GABRG3: variants seen among roughly 807,000 people sequenced by gnomAD.
GABRG3 encodes gamma-aminobutyric acid type A receptor subunit gamma3.
In GABRG3, 25 loss-of-function variants were observed where a neutral mutation model predicts 48.8. The ratio of observed to expected loss-of-function variants is 0.51; its 90% confidence interval spans 0.37 to 0.72. GABRG3 has a LOEUF of 0.72. Ranked by LOEUF, GABRG3 falls within the 30% of genes least tolerant of loss-of-function variation. The pLI, the probability that GABRG3 is intolerant of heterozygous loss-of-function variation, is 0.00. For missense variants in GABRG3, 394 were observed against 577.9 expected (o/e 0.68, Z 3.26); for synonymous variants, 227 against 217.6 (o/e 1.04, Z -0.38).
intron 3 of GABRG3, among the ~76,000 whole-genome samples, chr15:27,228,738 A>C (rs1166614768): frequency 2.6e-5 from 4 of 151,972 alleles, no homozygotes; most frequent in Admixed American, 2.6e-4. Flanking sequence ...TCATTTTTCA[A>C]CTTTTTACTG....
chr15:27,517,821 T>A, intron 6 of GABRG3, among the ~76,000 whole-genome samples: 1 of 152,210 alleles, frequency 6.6e-6, no homozygotes, highest in Non-Finnish European at 1.5e-5. Context: ...CATTAAAATA[T>A]ATACTTGTGC....
chr15:27,366,855 G>T (rs1185555324), intron 5 of GABRG3, among the ~76,000 whole-genome samples: 2 of 152,124 alleles, frequency 1.3e-5, no homozygotes, highest in African/African-American at 4.8e-5. Flanking sequence ...CCCTGACCTG[G>T]CCTCACTGTT....
At chr15:27,065,197 G>GATGA (rs750116352) in intron 3 of GABRG3, among the ~76,000 whole-genome samples, 68 of 152,270 alleles carry the variant, frequency 4.5e-4, no homozygotes, top group East Asian at 7.7e-4. Flanking sequence ...ATAACGAGTG[G>GATGA]ATGAATGAAT....
chr15:27,367,481 T>C (rs1045436552), intron 5 of GABRG3, among the ~76,000 whole-genome samples: 2 of 152,214 alleles, frequency 1.3e-5, no homozygotes, highest in African/African-American at 4.8e-5. Context: ...ACATTTTTTT[T>C]CCTAAAAGGT....
intron 5 of GABRG3, among the ~76,000 whole-genome samples, chr15:27,397,661 C>G (rs977842081): frequency 6.6e-6 from 1 of 152,106 alleles, no homozygotes; most frequent in African/African-American, 2.4e-5. Flanking sequence ...AACTCTCCTC[C>G]AGCCTCCCGC....
chr15:27,056,353 CAAAAAAAAA>C (rs58665097), intron 3 of GABRG3, among the ~76,000 whole-genome samples: 1 of 57,162 alleles, frequency 1.7e-5, no homozygotes, highest in African/African-American at 6.7e-5. Context: ...ACCCTGTCTC[CAAAAAAAAA>C]AAAAAAAAAA....
At chr15:27,450,042 T>C (rs907939944) in intron 5 of GABRG3, among the ~76,000 whole-genome samples, 6 of 152,164 alleles carry the variant, frequency 3.9e-5, no homozygotes, top group Admixed American at 3.9e-4. Flanking sequence ...GCAGAAAGCC[T>C]GGATAAATGT....
intron 5 of GABRG3, among the ~76,000 whole-genome samples, chr15:27,468,698 T>G (rs1391532553): frequency 1.3e-5 from 2 of 152,210 alleles, no homozygotes; most frequent in Non-Finnish European, 2.9e-5. Context: ...AGTATAATTT[T>G]TATTTGACTT....
chr15:27,343,801 T>C (rs1894272102), intron 5 of GABRG3, among the ~76,000 whole-genome samples: 1 of 152,240 alleles, frequency 6.6e-6, no homozygotes, highest in African/African-American at 2.4e-5. Flanking sequence ...AGGCACATTC[T>C]AGACTGATTG....
intron 7 of GABRG3, among the ~76,000 whole-genome samples, chr15:27,523,936 A>G (rs1891216503): frequency 6.6e-6 from 1 of 152,056 alleles, no homozygotes; most frequent in South Asian, 2.1e-4. Context: ...GGAGTTCCAG[A>G]AAAAGAGAAA....
chr15:27,403,938 A>AAC (rs199609194), intron 5 of GABRG3, among the ~76,000 whole-genome samples: 8,058 of 138,332 alleles, frequency 0.058, 315 homozygotes, highest in South Asian at 0.19. Context: ...ACAAAAAAAA[A>AAC]AAACCGGGCT....
chr15:27,306,328 A>G (rs1293122650), intron 3 of GABRG3, among the ~76,000 whole-genome samples: 6 of 127,818 alleles, frequency 4.7e-5, no homozygotes, highest in East Asian at 2.2e-4. Context: ...ATGTCTATAT[A>G]TAAACATAAA....
At chr15:27,138,281 C>A (rs926165944) in intron 3 of GABRG3, among the ~76,000 whole-genome samples, 1 of 152,088 alleles carries the variant, frequency 6.6e-6, no homozygotes, top group African/African-American at 2.4e-5. Context: ...CTTTTCACAC[C>A]CCTCCTGGTA....
chr15:27,304,390 T>C (rs892303969), intron 3 of GABRG3, among the ~76,000 whole-genome samples: 3 of 152,004 alleles, frequency 2.0e-5, no homozygotes, highest in African/African-American at 7.2e-5. Context: ...TCATTATTAA[T>C]CAGGTATATT....
chr15:27,388,078 G>A (rs1189064428), intron 5 of GABRG3, among the ~76,000 whole-genome samples: 4 of 106,182 alleles, frequency 3.8e-5, no homozygotes, highest in Non-Finnish European at 7.2e-5. Context: ...AGGAAGGAAG[G>A]AAGGAAAGGA....
intron 5 of GABRG3, among the ~76,000 whole-genome samples, chr15:27,388,236 G>A (rs1484827684): frequency 3.0e-4 from 14 of 46,416 alleles, no homozygotes; most frequent in Admixed American, 6.6e-4. Flanking sequence ...AAAGGGAGGA[G>A]GGAGGGAGGA....
chr15:27,448,887 T>C (rs567121258), intron 5 of GABRG3, among the ~76,000 whole-genome samples: 1 of 152,322 alleles, frequency 6.6e-6, no homozygotes, highest in Non-Finnish European at 1.5e-5. Flanking sequence ...TTGTATGGTC[T>C]AGGTCAGGGA....
intron 5 of GABRG3, among the ~76,000 whole-genome samples, chr15:27,353,460 T>A (rs868104411): frequency 1.0e-5 from 1 of 96,078 alleles, no homozygotes. Flanking sequence ...TTATTTATTT[T>A]TGAGATGGAG....
chr15:27,222,224 G>T (rs531334157), intron 3 of GABRG3, among the ~76,000 whole-genome samples: 1 of 152,140 alleles, frequency 6.6e-6, no homozygotes, highest in African/African-American at 2.4e-5. Context: ...AGCTAGAGAC[G>T]TCCCAGCCAG....
Sources: gnomAD v4.1 joint callset for allele counts (sites outside exome capture counted in the v4.1 genomes callset) on GRCh38, gnomAD v4.1.1 for gene constraint, MANE v1.5 for transcripts, NCBI Gene and HGNC (gene_info 2026-07-23, HGNC 2026-07-21) for gene names.